Variants in ERGIC2 observed in about 807,000 individuals in gnomAD.
The protein encoded by ERGIC2 is ERGIC and golgi 2, also known as endoplasmic reticulum-Golgi intermediate compartment protein 2.
Under a neutral mutation model 52.5 loss-of-function variants are expected in ERGIC2, and 31 were observed. The observed-to-expected ratio is 0.59, with a 90% CI of 0.44 to 0.80. The LOEUF is 0.80. ERGIC2 is among the 30% of genes least tolerant of loss of function. ERGIC2 has a pLI of 0.00. For missense variants in ERGIC2, 395 were observed against 455.2 expected, an observed-to-expected ratio of 0.87 and a Z score of 1.20; for synonymous variants, 129 against 140.6, an observed-to-expected ratio of 0.92 and a Z score of 0.58.
At chr12:29,355,242 A>G (rs1413777093) in intron 8 of ERGIC2, among the ~76,000 whole-genome samples, 1 of 152,176 alleles carries the variant, frequency 6.6e-6, no homozygotes, top group East Asian at 1.9e-4. Flanking sequence ...TTACAGGCTC[A>G]ATACAACTAT....
chr12:29,368,262 T>C lies in ERGIC2; in HGVS notation c.241A>G (p.Thr81Ala), dbSNP rs755623662. The C allele has an allele frequency of 2.6e-6, 4 of 1,558,406 alleles. No homozygotes were observed. The highest frequency in any genetic ancestry group is 8.8e-7 in the Non-Finnish European group (1 of 1,130,856). The change falls in exon 4 of 14, where the codon ACT (threonine) becomes GCT (alanine). Residue 81 changes from threonine to alanine, a missense_variant. Physicochemically the swap from Thr to Ala is moderately conservative, Grantham distance 58. Coordinates refer to ENST00000360150, the MANE Select transcript of ERGIC2 (RefSeq NM_016570.3). ...TTACATTGACACTTCATGGCAACAGTAATATCTATATTAATTCTTAATTTG... is the reference window on the plus strand; with the variant it reads ...TTACATTGACACTTCATGGCAACAGCAATATCTATATTAATTCTTAATTTG... ...SSKLRINIDI[T>A]VAMKCQYVGA... is the part of the protein sequence containing the mutation.
chr12:29,367,822 T>A (rs1940385293), intron 4 of ERGIC2, among the ~76,000 whole-genome samples: 1 of 151,874 alleles, frequency 6.6e-6, no homozygotes, highest in Non-Finnish European at 1.5e-5. Context: ...GGGTAACCTA[T>A]CACCATTAAC....
Position 29,343,262 on chromosome 12 carries a change from A to C in ERGIC2, c.846T>G (p.Ala282=). 2 of 1,597,472 alleles carry C rather than the reference A, an allele frequency of 1.3e-6. No individual in the cohort carries two copies. The highest frequency in any genetic ancestry group is 1.7e-6 in the Non-Finnish European group (2 of 1,171,262). The change falls in exon 12 of 14, where the codon GCT becomes GCG. Residue 282 remains alanine, a synonymous_variant. Coordinates refer to ENST00000360150, the MANE Select transcript of ERGIC2 (RefSeq NM_016570.3). ...VTERERIINH[A]AGSHGVSGIF... is the part of the protein sequence containing the mutation. Reference sequence around the variant, plus strand: ...TCCCAGAGACTCCATGGCTGCCTGCAGCATGGTTAATGATACGTTCCTAAA... The same window carrying C: ...TCCCAGAGACTCCATGGCTGCCTGCCGCATGGTTAATGATACGTTCCTAAA...
chr12:29,348,351 TCC>T (rs1230801344), intron 10 of ERGIC2, among the ~76,000 whole-genome samples: 2 of 152,064 alleles, frequency 1.3e-5, no homozygotes, highest in Non-Finnish European at 2.9e-5. Flanking sequence ...AGGATAGAAT[TCC>T]TACTAGCTGA....
At chr12:29,369,116 T>C (rs1940404130) in intron 3 of ERGIC2, among the ~76,000 whole-genome samples, 1 of 151,968 alleles carries the variant, frequency 6.6e-6, no homozygotes. Context: ...TAAAGTCATC[T>C]AGAGTTCAAA....
chr12:29,365,756 A>G (rs1565542771), intron 5 of ERGIC2, among the ~76,000 whole-genome samples: 1 of 152,006 alleles, frequency 6.6e-6, no homozygotes, highest in Non-Finnish European at 1.5e-5. Context: ...ATATCTAATA[A>G]TAATCACTTA....
chr12:29,380,840 C>A (rs1321300371), intron 1 of ERGIC2: 2 of 152,240 alleles, frequency 1.3e-5, no homozygotes, highest in African/African-American at 4.8e-5. Flanking sequence ...CAGGTGCGAT[C>A]GAGGAAGCAC....
intron 13 of ERGIC2, 33 bp downstream of exon 13, chr12:29,341,701 A>C: frequency 9.3e-7 from 1 of 1,080,336 alleles, no homozygotes; most frequent in Non-Finnish European, 1.4e-6. Flanking sequence ...TCTAAGATTT[A>C]GAGATCAGCA....
In ERGIC2 at chr12:29,370,156, GTATCTTGA is replaced by G; in HGVS notation, c.165_172del (p.Gln56MetfsTer5). On this transcript the variant is annotated frameshift_variant, in exon 3 of 14. Transcript: ENST00000360150. LOFTEE classifies it high-confidence loss of function. ...TACTTCGTATTCATACTTCATCCAT[GTATCTTGA>G]TATACTGAGAATTCCATTATGGTTA... 1 of 1,545,458 alleles carries G rather than the reference GTATCTTGA, an allele frequency of 6.5e-7. No homozygotes were observed. Among genetic ancestry groups the G allele is most frequent in the African/African-American group, 1.4e-5 (1 of 70,090 alleles).
intron 3 of ERGIC2, 89 bp downstream of exon 3, chr12:29,370,025 G>A: frequency 3.3e-6 from 4 of 1,214,050 alleles, no homozygotes; most frequent in Non-Finnish European, 4.2e-6. Flanking sequence ...ACCAAATCTA[G>A]AAGGTTAGAC....
chr12:29,351,070 G>A (rs1353885443), intron 8 of ERGIC2, among the ~76,000 whole-genome samples: 1 of 151,888 alleles, frequency 6.6e-6, no homozygotes, highest in African/African-American at 2.4e-5. Flanking sequence ...TCTTGGCACT[G>A]AGCTCAAAAA....
At chr12:29,345,682 C>T (rs1314257436) in intron 10 of ERGIC2, 142 bp from the exon 11 acceptor site, 15 of 625,620 alleles carry the variant, frequency 2.4e-5, no homozygotes, top group African/African-American at 1.1e-4. Context: ...GGGAGGCTGA[C>T]GAAGGAGGAC....
chr12:29,351,961 CTTAATA>C (rs1157747243), intron 8 of ERGIC2, among the ~76,000 whole-genome samples: 1 of 152,174 alleles, frequency 6.6e-6, no homozygotes, highest in Non-Finnish European at 1.5e-5. Flanking sequence ...AGTGTCATTG[CTTAATA>C]CGCAGGATGT....
At position 29,341,170 on chromosome 12, in the gene ERGIC2, T is replaced by C. The variant is rs1411904766; in HGVS notation, c.1120A>G (p.Asn374Asp). The change falls in exon 14 of 14, where the codon AAT (asparagine) becomes GAT (aspartate). Residue 374 changes from asparagine to aspartate, a missense_variant. Asn to Asp is a conservative substitution (Grantham distance 23). Transcript: ENST00000360150. ...HTDNHLPLLE[N>D]NTH is the part of the protein sequence containing the mutation. ...ATCGGGAGGTGTTAATGTGTATTAT[T>C]TTCTAAAAGAGGTAAGTGGTTGTCT... The C allele has an allele frequency of 1.2e-6, 2 of 1,609,626 alleles. No homozygotes were observed. The highest frequency in any genetic ancestry group is 8.5e-7 in the Non-Finnish European group (1 of 1,177,382).
At chr12:29,373,085 A>G (rs898218184) in intron 1 of ERGIC2, 1 of 151,630 alleles carries the variant, frequency 6.6e-6, no homozygotes, top group Non-Finnish European at 1.5e-5. Flanking sequence ...GAAAAGATAC[A>G]TAAGAAACAA....
chr12:29,348,283 A>T (rs538792405), intron 10 of ERGIC2, among the ~76,000 whole-genome samples: 6 of 152,224 alleles, frequency 3.9e-5, no homozygotes, highest in African/African-American at 1.4e-4. Context: ...TCTGAATAGG[A>T]TATTAATAAA....
At position 29,343,803 on chromosome 12, in the gene ERGIC2, T is replaced by C. The variant is rs570989608; in HGVS notation, c.826-521A>G. On this transcript the variant is annotated intron_variant, in intron 11 of 13. Transcript: ENST00000360150. ...AATATCATGCTGAGTTATAAATATA[T>C]TGTCACTACCTATAAGGGTAGAAAC... 1.4e-4 allele frequency among the ~76,000 whole-genome samples: 22 copies of C among 152,270 alleles called. No individual in the cohort carries two copies. In the South Asian group the frequency reaches 4.4e-3, roughly 30 times the overall value.
chr12:29,357,778 C>T, intron 6 of ERGIC2, 54 bp from the exon 7 acceptor site: 1 of 952,884 alleles, frequency 1.0e-6, no homozygotes, highest in Non-Finnish European at 1.7e-6. Context: ...AGAGAGCTGA[C>T]ACTTATTCAA....
intron 6 of ERGIC2, among the ~76,000 whole-genome samples, chr12:29,360,742 C>G (rs1442778771): frequency 6.6e-6 from 1 of 150,934 alleles, no homozygotes; most frequent in Non-Finnish European, 1.5e-5. Flanking sequence ...AAACTTATCA[C>G]TGGTTATTAC....
Sources: allele counts gnomAD v4.1 joint callset (sites outside exome capture counted in the v4.1 genomes callset), GRCh38; gene constraint gnomAD v4.1.1; transcripts MANE v1.5; gene names NCBI Gene and HGNC (gene_info 2026-07-23, HGNC 2026-07-21).